PTPRO: variants seen among roughly 807,000 people sequenced by gnomAD.
PTPRO encodes the protein receptor-type tyrosine-protein phosphatase O.
Under a neutral mutation model 145.2 loss-of-function variants are expected in PTPRO, and 62 were observed. That is an observed-to-expected ratio of 0.43 (90% CI 0.35 to 0.53). The LOEUF (loss-of-function observed/expected upper bound fraction) is 0.53. Ranked by LOEUF, PTPRO falls within the 20% of genes least tolerant of loss-of-function variation. The probability of loss-of-function intolerance (pLI) is 0.01; values close to 1 mark genes in which losing one functional copy is unlikely to be tolerated. For missense variants in PTPRO, 1,345 were observed against 1,482.7 expected (o/e 0.91, Z 1.53); for synonymous variants, 565 against 514.7 (o/e 1.10, Z -1.32).
At chr12:15,375,743 A>C (rs1938664933) in intron 1 of PTPRO, among the ~76,000 whole-genome samples, 1 of 148,042 alleles carries the variant, frequency 6.8e-6, no homozygotes, top group South Asian at 2.2e-4. Flanking sequence ...GCAACAGAGC[A>C]AGACTCTGTC....
chr12:15,418,872 A>G (rs866508051), intron 1 of PTPRO, among the ~76,000 whole-genome samples: 2 of 151,724 alleles, frequency 1.3e-5, no homozygotes, highest in Non-Finnish European at 2.9e-5. Flanking sequence ...AACAAAAGCA[A>G]TACTAAAGTC....
intron 17 of PTPRO, 113 bp from the exon 18 acceptor site, chr12:15,565,480 A>G: frequency 1.4e-6 from 1 of 706,922 alleles, no homozygotes. Context: ...TTTAATGAAA[A>G]TTAAATAAAA....
Position 15,584,916 on chromosome 12 carries a change from C to T in PTPRO, c.3256-1981C>T, listed in dbSNP as rs115531401. On this transcript the variant is annotated intron_variant, in intron 23 of 26. Transcript: ENST00000281171. Reference sequence around the variant, plus strand: ...TTTAACAAGAAAGGAGAGAAATGACCATAACACACAACTTGTCACTTTCTA... The same window carrying T: ...TTTAACAAGAAAGGAGAGAAATGACTATAACACACAACTTGTCACTTTCTA... Among the ~76,000 whole-genome samples the T allele has an allele frequency of 3.3e-3, 495 of 152,050 alleles. 2 individuals carry two copies. Among genetic ancestry groups the T allele is most frequent in the African/African-American group, 0.011 (460 of 41,468 alleles).
chr12:15,496,396 C>T (rs1942109021), intron 2 of PTPRO, among the ~76,000 whole-genome samples: 1 of 152,012 alleles, frequency 6.6e-6, no homozygotes, highest in African/African-American at 2.4e-5. Context: ...CCCGCCTTGA[C>T]CTTCCACAAT....
chr12:15,348,611 C>T (rs1591726168), intron 1 of PTPRO: 1 of 152,120 alleles, frequency 6.6e-6, no homozygotes, highest in East Asian at 1.9e-4. Context: ...ACAGTGAAAC[C>T]CCGTCTCTAC....
At position 15,589,479 on chromosome 12, in the gene PTPRO, A is replaced by C. The variant is rs1334652842; in HGVS notation, c.3435A>C (p.Thr1145=). The change falls in exon 25 of 27, where the codon ACA becomes ACC. Residue 1145 remains threonine (T), a synonymous_variant. Transcript: ENST00000281171. ...HCSAGVGRTG[T]FIALDRLLQH... Reference sequence around the variant, plus strand: ...GTGCTGGCGTGGGACGGACAGGAACATTCATTGCCCTGGACAGGCTCTTGC... The same window carrying C: ...GTGCTGGCGTGGGACGGACAGGAACCTTCATTGCCCTGGACAGGCTCTTGC... 1 of 1,614,132 alleles carries C rather than the reference A, an allele frequency of 6.2e-7. No homozygotes were observed. Among genetic ancestry groups the C allele is most frequent in the Middle Eastern group, 1.7e-4 (1 of 6,060 alleles).
At chr12:15,510,272 T>A (rs1404209357) in intron 7 of PTPRO, among the ~76,000 whole-genome samples, 4 of 152,180 alleles carry the variant, frequency 2.6e-5, no homozygotes, top group East Asian at 3.9e-4. Flanking sequence ...GCCCCTTGAG[T>A]TGAATTAAAT....
intron 1 of PTPRO, among the ~76,000 whole-genome samples, chr12:15,455,815 G>C (rs1453268503): frequency 6.6e-6 from 1 of 152,138 alleles, no homozygotes; most frequent in Non-Finnish European, 1.5e-5. Flanking sequence ...GGGACAATTT[G>C]ACGTCCTCTT....
intron 7 of PTPRO, 146 bp downstream of exon 7, chr12:15,508,913 C>A (rs1441822771): frequency 3.8e-6 from 3 of 790,370 alleles, no homozygotes; most frequent in East Asian, 2.7e-5. Flanking sequence ...GCCAGAGGGG[C>A]CAGAAATGAC....
intron 1 of PTPRO, among the ~76,000 whole-genome samples, chr12:15,457,771 T>C (rs1941213275): frequency 6.6e-6 from 1 of 152,202 alleles, no homozygotes; most frequent in Non-Finnish European, 1.5e-5. Flanking sequence ...TGTTATATTA[T>C]TGATGTCACA....
At chr12:15,361,600 T>A (rs1938213288) in intron 1 of PTPRO, among the ~76,000 whole-genome samples, 1 of 152,134 alleles carries the variant, frequency 6.6e-6, no homozygotes, top group Non-Finnish European at 1.5e-5. Flanking sequence ...AACAATATCC[T>A]GATCTGTCAA....
chr12:15,490,427 G>A (rs1037890816), intron 2 of PTPRO, among the ~76,000 whole-genome samples: 2 of 152,052 alleles, frequency 1.3e-5, no homozygotes, highest in Admixed American at 6.6e-5. Flanking sequence ...AATGATAATG[G>A]CTATATTATA....
At position 15,522,529 on chromosome 12, in the gene PTPRO, A is replaced by C. The variant is rs186868379; in HGVS notation, c.1891+2217A>C. Among the ~76,000 whole-genome samples, 25 of 152,286 alleles carry C rather than the reference A, an allele frequency of 1.6e-4. No individual in the cohort carries two copies. In the East Asian group the frequency reaches 4.6e-3, roughly 28 times the overall value. On this transcript the variant is annotated intron_variant, in intron 10 of 26. Transcript: ENST00000281171. ...TGAAGAATTTGTAATATATAAAGTAAAAACGCGTGTGTGTGTGATTTTTTT... is the reference window on the plus strand; with the variant it reads ...TGAAGAATTTGTAATATATAAAGTACAAACGCGTGTGTGTGTGATTTTTTT...
chr12:15,486,744 T>C (rs1363089089), intron 2 of PTPRO, among the ~76,000 whole-genome samples: 1 of 151,896 alleles, frequency 6.6e-6, no homozygotes, highest in Non-Finnish European at 1.5e-5. Context: ...TGCACTAGCC[T>C]AATTTTAATC....
intron 1 of PTPRO, among the ~76,000 whole-genome samples, chr12:15,324,818 CA>C (rs892566828): frequency 2.0e-4 from 30 of 151,420 alleles, no homozygotes; most frequent in African/African-American, 5.6e-4. Context: ...AAGAGTTGTT[CA>C]AAAAAAATGG....
chr12:15,350,173 T>C (rs117490829), intron 1 of PTPRO, among the ~76,000 whole-genome samples: 1,922 of 152,334 alleles, frequency 0.013, 19 homozygotes, highest in Middle Eastern at 0.027. Flanking sequence ...TCTATCCTTA[T>C]CTGTGCTCTG....
intron 23 of PTPRO, among the ~76,000 whole-genome samples, chr12:15,582,310 G>A (rs1475599099): frequency 6.6e-6 from 1 of 152,218 alleles, no homozygotes; most frequent in African/African-American, 2.4e-5. Flanking sequence ...CCAGTTTATG[G>A]CCAGATTTGG....
At chr12:15,414,920 C>T (rs893126207) in intron 1 of PTPRO, among the ~76,000 whole-genome samples, 3 of 152,164 alleles carry the variant, frequency 2.0e-5, no homozygotes, top group Admixed American at 6.5e-5. Flanking sequence ...TCTAAATCCA[C>T]CTAATGGTTG....
intron 19 of PTPRO, among the ~76,000 whole-genome samples, chr12:15,575,937 T>C (rs924286730): frequency 3.9e-5 from 6 of 152,212 alleles, no homozygotes; most frequent in African/African-American, 1.4e-4. Context: ...CTAACTTAAT[T>C]ACAACTGCAA....
Sources: allele counts gnomAD v4.1 joint callset (sites outside exome capture counted in the v4.1 genomes callset), GRCh38; gene constraint gnomAD v4.1.1; transcripts MANE v1.5; gene names NCBI Gene and HGNC (gene_info 2026-07-23, HGNC 2026-07-21).